Variants in CDH23 observed in about 807,000 individuals in gnomAD.
CDH23 encodes the protein cadherin-23.
A neutral mutation model predicts 317.1 loss-of-function variants in CDH23; 189 were observed. The observed-to-expected ratio is 0.60, with a 90% CI of 0.53 to 0.67. The LOEUF is 0.67. Ranked by LOEUF, CDH23 falls within the 30% of genes least tolerant of loss-of-function variation. The pLI, the probability that CDH23 is intolerant of heterozygous loss-of-function variation, is 0.00. For synonymous variants in CDH23, 1,839 were observed against 1,876.8 expected (o/e 0.98, Z 0.52); for missense variants, 4,401 against 4,592.4 (o/e 0.96, Z 1.20).
At chr10:71,678,723 TTA>T (rs1326606357) in intron 16 of CDH23, among the ~76,000 whole-genome samples, 1 of 152,178 alleles carries the variant, frequency 6.6e-6, no homozygotes, top group Non-Finnish European at 1.5e-5. Flanking sequence ...GGAAAGAAGC[TTA>T]TTAATTCAGC....
At chr10:71,646,359 T>G in intron 13 of CDH23, 100 bp from the exon 14 acceptor site, 1 of 1,547,098 alleles carries the variant, frequency 6.5e-7, no homozygotes, top group South Asian at 1.2e-5. Flanking sequence ...ACAGGTGCTC[T>G]GGGCTGGGGC....
In CDH23 at chr10:71,732,291, C is replaced by A. The variant is rs754263998; in HGVS notation, c.4020C>A (p.Ile1340=). The A allele has an allele frequency of 1.2e-6, 2 of 1,612,714 alleles. No homozygotes were observed. The highest frequency in any genetic ancestry group is 2.2e-5 in the South Asian group (2 of 90,836). Residue 1340 remains isoleucine, a synonymous_variant, in exon 32 of 70, where the codon ATC becomes ATA. Coordinates refer to ENST00000224721, the MANE Select transcript of CDH23 (RefSeq NM_022124.6). ...TTGTGCGGGTCCAGGCCTACTCCAT[C>A]GACAACCTCAACCAAATCACGTACC... ...TEIVRVQAYS[I]DNLNQITYRF...
intron 6 of CDH23, among the ~76,000 whole-genome samples, chr10:71,549,310 G>C (rs1252313783): frequency 6.6e-6 from 1 of 152,220 alleles, no homozygotes; most frequent in Non-Finnish European, 1.5e-5. Context: ...AGGTCAGAAA[G>C]CTGTTGTAAG....
At chr10:71,693,518 G>A (rs1043187356) in intron 20 of CDH23, among the ~76,000 whole-genome samples, 3 of 152,198 alleles carry the variant, frequency 2.0e-5, no homozygotes, top group African/African-American at 7.2e-5. Flanking sequence ...GCACGATAAG[G>A]TTGGATAGGT....
intron 3 of CDH23, among the ~76,000 whole-genome samples, chr10:71,457,938 C>A (rs1184069281): frequency 6.6e-6 from 1 of 152,186 alleles, no homozygotes. Flanking sequence ...GAAGCAGGCA[C>A]CCCCTTTGCA....
At chr10:71,561,463 A>G (rs1451628961) in intron 6 of CDH23, among the ~76,000 whole-genome samples, 1 of 152,034 alleles carries the variant, frequency 6.6e-6, no homozygotes, top group Non-Finnish European at 1.5e-5. Flanking sequence ...CTGGAGTGTA[A>G]TGTAACTCAC....
At chr10:71,737,446 G>A (rs1384230711) in intron 34 of CDH23, among the ~76,000 whole-genome samples, 1 of 152,240 alleles carries the variant, frequency 6.6e-6, no homozygotes, top group Admixed American at 6.5e-5. Context: ...ACTTCTGAGA[G>A]CTGCCTACAG....
At chr10:71,512,519 G>A (rs1365795335) in intron 6 of CDH23, among the ~76,000 whole-genome samples, 1 of 152,204 alleles carries the variant, frequency 6.6e-6, no homozygotes, top group Non-Finnish European at 1.5e-5. Context: ...TGCACTCCGG[G>A]CCTGGGCTCA....
At chr10:71,500,497 G>A (rs1853230692) in intron 3 of CDH23, among the ~76,000 whole-genome samples, 2 of 152,324 alleles carry the variant, frequency 1.3e-5, no homozygotes, top group South Asian at 2.1e-4. Context: ...GTAGACTGAG[G>A]AAAGCCAGGG....
In CDH23 at chr10:71,704,891, C is replaced by T. The variant is rs1452084419; in HGVS notation, c.2734-20C>T. ...CCAGTGTCCCCTCCCCACCCTCATG[C>T]TGCCCCTCCTTGCCCTCAGGTGGTG... On this transcript the variant is annotated intron_variant, in intron 24 of 69. Coordinates refer to ENST00000224721, the MANE Select transcript of CDH23 (RefSeq NM_022124.6). 4.4e-6 allele frequency: 7 copies of T among 1,593,772 alleles called. No homozygotes were observed. The highest frequency in any genetic ancestry group is 5.2e-6 in the Non-Finnish European group (6 of 1,162,622).
rs73283721 is a variant in CDH23, at chr10:71,450,252, C to G, written c.145+3857C>G. On this transcript the variant is annotated intron_variant, in intron 3 of 69. Transcript: ENST00000224721. ...AGGGGTGCTGTCTCCCACTTAACCTCCTGAATCTACTTTTTTTTTTTTTTT... is the reference window on the plus strand; with the variant it reads ...AGGGGTGCTGTCTCCCACTTAACCTGCTGAATCTACTTTTTTTTTTTTTTT... 7.5e-3 allele frequency among the ~76,000 whole-genome samples: 1,093 copies of G among 145,044 alleles called. 18 individuals are homozygous for G. Among genetic ancestry groups the G allele is most frequent in the African/African-American group, 0.026 (1,015 of 39,044 alleles).
At chr10:71,534,749 T>A (rs1459843587) in intron 6 of CDH23, among the ~76,000 whole-genome samples, 1 of 152,240 alleles carries the variant, frequency 6.6e-6, no homozygotes, top group Non-Finnish European at 1.5e-5. Context: ...GTTCTGAGAA[T>A]GGCAGTTGCT....
chr10:71,778,665 A>G (rs1162829912), intron 40 of CDH23, among the ~76,000 whole-genome samples: 1 of 152,238 alleles, frequency 6.6e-6, no homozygotes, highest in East Asian at 1.9e-4. Context: ...TGAAAGGAGG[A>G]CAATACAAAC....
At chr10:71,627,371 GTGATGATGATGA>G (rs67455069) in intron 11 of CDH23, among the ~76,000 whole-genome samples, 12 of 151,138 alleles carry the variant, frequency 7.9e-5, no homozygotes, top group South Asian at 2.1e-4. Context: ...GGCCCTTATT[GTGATGATGATGA>G]TGATGATGAT....
At chr10:71,807,073 T>C (rs1841752822) in intron 57 of CDH23, among the ~76,000 whole-genome samples, 1 of 152,264 alleles carries the variant, frequency 6.6e-6, no homozygotes, top group South Asian at 2.1e-4. Flanking sequence ...ATTTGGGTTC[T>C]GGGCAACACT....
chr10:71,445,034 G>A (rs1850089128), intron 2 of CDH23, among the ~76,000 whole-genome samples: 1 of 152,146 alleles, frequency 6.6e-6, no homozygotes, highest in African/African-American at 2.4e-5. Context: ...CTCCTCATAG[G>A]TGCCAAGCTC....
intron 6 of CDH23, among the ~76,000 whole-genome samples, chr10:71,525,904 TACTC>T (rs1855014273): frequency 6.6e-6 from 1 of 152,218 alleles, no homozygotes. Context: ...TTCATTCATC[TACTC>T]ACTCACCAAA....
chr10:71,792,523 C>T (rs1282322398), intron 47 of CDH23, among the ~76,000 whole-genome samples: 1 of 151,726 alleles, frequency 6.6e-6, no homozygotes, highest in African/African-American at 2.4e-5. Context: ...AACAACAAAC[C>T]AAAAAGTATA....
rs577614701 is a variant in CDH23 at position 71,727,020 on chromosome 10, C to T, written c.3579+1500C>T. Among the ~76,000 whole-genome samples, 9 of 152,316 alleles carry T rather than the reference C, an allele frequency of 5.9e-5. No homozygotes were observed. The East Asian group carries it at 1.5e-3, about 26-fold the overall frequency. On this transcript the variant is annotated intron_variant, in intron 30 of 69. Coordinates refer to ENST00000224721, the MANE Select transcript of CDH23 (RefSeq NM_022124.6). ...AGGGGTGGGGCTCCCAGAGCCACAC[C>T]TGCTCAGCTACTTACGTCCTGCCCG... is the stretch of plus-strand genomic sequence containing the variant.
Sources: allele counts gnomAD v4.1 joint callset (sites outside exome capture counted in the v4.1 genomes callset), GRCh38; gene constraint gnomAD v4.1.1; transcripts MANE v1.5; gene names NCBI Gene and HGNC (gene_info 2026-07-23, HGNC 2026-07-21).